LRRC4C: variants seen among roughly 807,000 people sequenced by gnomAD.
The protein encoded by LRRC4C is leucine rich repeat containing 4C, also known as leucine-rich repeat-containing protein 4C.
In LRRC4C, 5 loss-of-function variants were observed where a neutral mutation model predicts 33.6. The ratio of observed to expected loss-of-function variants is 0.15; its 90% CI spans 0.08 to 0.31. The LOEUF (loss-of-function observed/expected upper bound fraction) is 0.31. LRRC4C is among the 10% of genes least tolerant of loss of function. LRRC4C has a pLI of 1.00. For synonymous variants in LRRC4C, 329 were observed against 302.0 expected (o/e 1.09, Z -0.93); for missense variants, 560 against 796.7 (o/e 0.70, Z 3.58).
At chr11:40,182,617 A>G (rs1057095687) in intron 5 of LRRC4C, among the ~76,000 whole-genome samples, 17 of 152,256 alleles carry the variant, frequency 1.1e-4, no homozygotes, top group Non-Finnish European at 2.4e-4. Flanking sequence ...TAAAGAAAAA[A>G]GATACACAGC....
intron 1 of LRRC4C, among the ~76,000 whole-genome samples, chr11:41,224,186 A>G (rs1248599232): frequency 3.3e-5 from 5 of 152,294 alleles, no homozygotes; most frequent in Admixed American, 2.0e-4. Flanking sequence ...CCTGCCGTGG[A>G]AAAAGCCACG....
chr11:40,333,622 C>G (rs1440564042), intron 3 of LRRC4C, among the ~76,000 whole-genome samples: 1 of 144,256 alleles, frequency 6.9e-6, no homozygotes, highest in Non-Finnish European at 1.5e-5. Context: ...GGGGCTGAGG[C>G]AGAAGAATCG....
chr11:40,506,416 C>T (rs538849961), intron 3 of LRRC4C, among the ~76,000 whole-genome samples: 44 of 152,170 alleles, frequency 2.9e-4, no homozygotes, highest in Non-Finnish European at 5.1e-4. Flanking sequence ...TTTCAGTAAA[C>T]GGAATTAGCG....
chr11:40,599,447 G>A (rs925023784), intron 3 of LRRC4C, among the ~76,000 whole-genome samples: 1 of 152,144 alleles, frequency 6.6e-6, no homozygotes, highest in African/African-American at 2.4e-5. Flanking sequence ...GACCCTGTCT[G>A]AAGAATATGG....
chr11:40,816,125 C>A (rs1951696912), intron 2 of LRRC4C, among the ~76,000 whole-genome samples: 1 of 152,054 alleles, frequency 6.6e-6, no homozygotes, highest in Admixed American at 6.6e-5. Flanking sequence ...TCAAAGAGAC[C>A]AAAGTTGAGG....
At chr11:40,854,090 G>T (rs529271410) in intron 2 of LRRC4C, among the ~76,000 whole-genome samples, 1 of 152,122 alleles carries the variant, frequency 6.6e-6, no homozygotes, top group Non-Finnish European at 1.5e-5. Flanking sequence ...CAAATGCCTC[G>T]GCAGTGGCAG....
intron 3 of LRRC4C, among the ~76,000 whole-genome samples, chr11:40,553,155 C>T (rs1957193087): frequency 6.6e-6 from 1 of 151,982 alleles, no homozygotes; most frequent in Non-Finnish European, 1.5e-5. Flanking sequence ...ACCTGTAAAC[C>T]CAGCTACTCA....
Position 41,175,269 on chromosome 11 carries a change from G to T in LRRC4C, c.-495-241546C>A, listed in dbSNP as rs571699022. On this transcript the variant is annotated intron_variant, in intron 1 of 6. Transcript: ENST00000528697. ...CAGTTTTTTCACAGCAACCAATATA[G>T]TCTATCAAAAAGTCATTTTACTATT... 5.9e-5 allele frequency among the ~76,000 whole-genome samples: 9 copies of T among 152,094 alleles called. No individual in the cohort carries two copies. The East Asian group carries it at 1.7e-3, about 29-fold the overall frequency.
At chr11:40,979,114 A>G (rs1440957207) in intron 1 of LRRC4C, among the ~76,000 whole-genome samples, 1 of 152,158 alleles carries the variant, frequency 6.6e-6, no homozygotes. Flanking sequence ...TTCTTAGCTT[A>G]GTAACTTAGA....
At chr11:40,621,112 T>G (rs941785931) in intron 3 of LRRC4C, among the ~76,000 whole-genome samples, 2 of 151,748 alleles carry the variant, frequency 1.3e-5, no homozygotes, top group Admixed American at 1.3e-4. Flanking sequence ...ATCTCTCTAT[T>G]ATAAATCAAA....
At chr11:40,768,932 G>T (rs755565027) in intron 2 of LRRC4C, among the ~76,000 whole-genome samples, 13 of 152,126 alleles carry the variant, frequency 8.5e-5, no homozygotes, top group Non-Finnish European at 1.3e-4. Flanking sequence ...AACATGAAAA[G>T]GATGCCCACT....
At chr11:40,868,370 A>G (rs891883701) in intron 2 of LRRC4C, among the ~76,000 whole-genome samples, 1 of 152,172 alleles carries the variant, frequency 6.6e-6, no homozygotes, top group African/African-American at 2.4e-5. Context: ...AAGTCAGAGG[A>G]TCAGGACTTC....
chr11:40,449,052 G>T (rs1261535629), intron 3 of LRRC4C, among the ~76,000 whole-genome samples: 1 of 152,070 alleles, frequency 6.6e-6, no homozygotes, highest in East Asian at 1.9e-4. Context: ...GTCTTCTTTT[G>T]AGAAGTGTCT....
intron 1 of LRRC4C, among the ~76,000 whole-genome samples, chr11:41,174,384 G>A (rs1454104584): frequency 6.6e-6 from 1 of 152,010 alleles, no homozygotes; most frequent in Admixed American, 6.6e-5. Context: ...AAAGGCCACA[G>A]ATCTTAAAAA....
At chr11:40,633,357 C>CTT (rs1237254244) in intron 3 of LRRC4C, among the ~76,000 whole-genome samples, 5 of 43,574 alleles carry the variant, frequency 1.1e-4, no homozygotes, top group African/African-American at 6.5e-4. Context: ...TTCTTTCTTT[C>CTT]TTTCTTTCTT....
At chr11:40,512,045 A>G (rs1180101223) in intron 3 of LRRC4C, among the ~76,000 whole-genome samples, 1 of 152,304 alleles carries the variant, frequency 6.6e-6, no homozygotes, top group African/African-American at 2.4e-5. Context: ...CCAGAAAAAA[A>G]GAAAAAAAAT....
intron 4 of LRRC4C, among the ~76,000 whole-genome samples, chr11:40,298,989 T>C (rs1160389458): frequency 1.3e-5 from 2 of 152,070 alleles, no homozygotes; most frequent in African/African-American, 4.8e-5. Flanking sequence ...AAGATGAGAT[T>C]TGGGTGGGGA....
chr11:40,830,011 T>C (rs1952338758), intron 2 of LRRC4C, among the ~76,000 whole-genome samples: 1 of 152,054 alleles, frequency 6.6e-6, no homozygotes, highest in Non-Finnish European at 1.5e-5. Flanking sequence ...GAGCTAACAG[T>C]TGAGCAGGGT....
chr11:41,238,406 C>T (rs1948112750), intron 1 of LRRC4C, among the ~76,000 whole-genome samples: 2 of 152,098 alleles, frequency 1.3e-5, no homozygotes, highest in Admixed American at 1.3e-4. Context: ...TTGATACTAA[C>T]TCATTCCAAC....
Sources: gnomAD v4.1 joint callset for allele counts (sites outside exome capture counted in the v4.1 genomes callset) on GRCh38, gnomAD v4.1.1 for gene constraint, MANE v1.5 for transcripts, NCBI Gene and HGNC (gene_info 2026-07-23, HGNC 2026-07-21) for gene names.